ODAD1: variants seen among roughly 807,000 people sequenced by gnomAD.
The protein encoded by ODAD1 is outer dynein arm docking complex subunit 1, also known as outer dynein arm-docking complex subunit 1.
Under a neutral mutation model 67.2 loss-of-function variants are expected in ODAD1, and 49 were observed. That is an observed-to-expected ratio of 0.73 (90% CI 0.58 to 0.92). The LOEUF (loss-of-function observed/expected upper bound fraction) is 0.92, where lower values mean the gene tolerates loss of function less well. Ranked by LOEUF, ODAD1 falls within the 40% of genes least tolerant of loss-of-function variation. ODAD1 has a pLI of 0.00. For missense variants in ODAD1, 897 were observed against 953.7 expected (o/e 0.94, Z 0.78); for synonymous variants, 345 against 393.7 (o/e 0.88, Z 1.46).
At position 48,297,173 on chromosome 19, in the gene ODAD1, C is replaced by A. The variant is rs201571963; in HGVS notation, c.1927G>T (p.Ala643Ser). The A allele has an allele frequency of 3.8e-5, 62 of 1,614,008 alleles. No individual in the cohort carries two copies. The highest frequency in any genetic ancestry group is 4.8e-5 in the Non-Finnish European group (57 of 1,180,014). ...GGHVTFRPVS[A>S]SSYLGSTGYV... ...CCAGTGGAGCCCAGGTAGCTGCTGG[C>A]GCTGACGGGTCTGAAGGTCACGTGG... The change falls in exon 16 of 16, where the codon GCC (alanine) becomes TCC (serine). Residue 643 changes from alanine to serine, a missense_variant. Ala to Ser is a moderately conservative substitution (Grantham distance 99, BLOSUM62 1). Coordinates refer to ENST00000674294, the MANE Select transcript of ODAD1 (RefSeq NM_001364171.2).
At chr19:48,301,663 G>C (rs751174486) in intron 12 of ODAD1, among the ~76,000 whole-genome samples, 2 of 152,178 alleles carry the variant, frequency 1.3e-5, no homozygotes, top group African/African-American at 4.8e-5. Flanking sequence ...ATGTGGGGCT[G>C]TTGGAGGCAG....
At chr19:48,318,281 T>G in intron 5 of ODAD1, 106 bp downstream of exon 5, 3 of 976,870 alleles carry the variant, frequency 3.1e-6, no homozygotes, top group Non-Finnish European at 4.6e-6. Context: ...CATGAGCCAC[T>G]GTGCCCGGCC....
chr19:48,316,630 G>A (rs551139445), intron 5 of ODAD1, among the ~76,000 whole-genome samples: 1 of 152,230 alleles, frequency 6.6e-6, no homozygotes, highest in East Asian at 1.9e-4. Flanking sequence ...CCTTGCCTTT[G>A]CCAGTTTCTG....
intron 8 of ODAD1, among the ~76,000 whole-genome samples, chr19:48,305,031 G>C (rs1363215349): frequency 6.6e-6 from 1 of 152,224 alleles, no homozygotes; most frequent in Non-Finnish European, 1.5e-5. Context: ...AACAGAGAGA[G>C]AGAAAGAGAG....
chr19:48,316,242 G>A (rs1968895557), intron 5 of ODAD1, among the ~76,000 whole-genome samples: 1 of 152,042 alleles, frequency 6.6e-6, no homozygotes, highest in South Asian at 2.1e-4. Context: ...TTAGCTGGGA[G>A]TGGTGGCACA....
chr19:48,305,012 G>A (rs907005286), intron 8 of ODAD1, among the ~76,000 whole-genome samples: 3 of 152,286 alleles, frequency 2.0e-5, no homozygotes, highest in Admixed American at 1.3e-4. Context: ...ATTTTGCCAC[G>A]TTTGTTTTAA....
At chr19:48,306,072 G>T in intron 8 of ODAD1, 184 bp downstream of exon 8, 1 of 454,812 alleles carries the variant, frequency 2.2e-6, no homozygotes, top group Non-Finnish European at 2.9e-6. Flanking sequence ...AAAAAAGACA[G>T]AACAGGACCT....
intron 5 of ODAD1, among the ~76,000 whole-genome samples, chr19:48,312,412 GTTTTTTTTTTT>G (rs528076931): frequency 1.3e-5 from 1 of 76,944 alleles, no homozygotes; most frequent in East Asian, 4.1e-4. Context: ...TTTTTTTTTT[GTTTTTTTTTTT>G]TTTTTTTTTG....
chr19:48,316,914 G>A (rs1413464543), intron 5 of ODAD1, among the ~76,000 whole-genome samples: 1 of 152,142 alleles, frequency 6.6e-6, no homozygotes, highest in Admixed American at 6.6e-5. Context: ...CAGGAGGATC[G>A]CTTGAACCTG....
In ODAD1 at chr19:48,304,011, C is replaced by T. The variant is rs1600861884; in HGVS notation, c.795G>A (p.Lys265=). ...CCGGCTGCCGGTCGTTGTTCTTGAG[C>T]TTGAGGAAGTGGTGCAGCTGCTCCA... ...LHLEQLHHFL[K]LKNNDRQPDP... Residue 265 remains lysine (K), a synonymous_variant, in exon 9 of 16, where the codon AAG becomes AAA. Transcript: ENST00000674294. 8 of 1,614,204 alleles carry T rather than the reference C, an allele frequency of 5.0e-6. No homozygotes were observed. Among genetic ancestry groups the T allele is most frequent in the Non-Finnish European group, 6.8e-6 (8 of 1,180,022 alleles).
At chr19:48,306,438 T>A (rs1968610406) in intron 7 of ODAD1, 115 bp from the exon 8 acceptor site, 2 of 823,740 alleles carry the variant, frequency 2.4e-6, no homozygotes, top group South Asian at 3.2e-5. Flanking sequence ...GCCTTCCAAA[T>A]GTGGACCCTC....
chr19:48,303,927 T>G (rs1246463700), intron 9 of ODAD1, 26 bp downstream of exon 9: 6 of 1,606,786 alleles, frequency 3.7e-6, no homozygotes, highest in Non-Finnish European at 5.1e-6. Flanking sequence ...GCCCTTGAGA[T>G]GCAAAGGCAG....
chr19:48,303,524 C>G, intron 10 of ODAD1, 126 bp downstream of exon 10: 1 of 1,226,456 alleles, frequency 8.2e-7, no homozygotes, highest in Non-Finnish European at 1.2e-6. Flanking sequence ...GGGTCCCAGG[C>G]ATGACGCCTT....
At position 48,321,946 on chromosome 19, in the gene ODAD1, T is replaced by C; in HGVS notation, c.-332A>G. The C allele has an allele frequency of 5.1e-6, 2 of 394,046 alleles. No homozygotes were observed. Among genetic ancestry groups the C allele is most frequent in the Non-Finnish European group, 9.0e-6 (2 of 223,120 alleles). The allele number at this position is 394,046 out of a possible 1,614,324, so 24.4% of individuals were successfully genotyped here. A position where few individuals can be genotyped will look rare whatever the true frequency, so the allele number is the denominator to read the frequency against. ...AAGCAGCCAAAAACGCTTGGCCGCC[T>C]ACCACGTCCGCGCGCTGGAGGGCGG... On this transcript the variant is annotated 5_prime_UTR_variant, in exon 1 of 16. Coordinates refer to ENST00000674294, the MANE Select transcript of ODAD1 (RefSeq NM_001364171.2).
chr19:48,318,756 G>A lies in ODAD1; in HGVS notation c.127C>T (p.Arg43Trp), dbSNP rs1214771019. 17 of 1,551,124 alleles carry A rather than the reference G, an allele frequency of 1.1e-5. No homozygotes were observed. The highest frequency in any genetic ancestry group is 5.9e-5 in the Admixed American group (3 of 50,968). ...TGGTGGACTTCCTTGCTGTAGGCCC[G>A]CCTCTCCCCTTCCATCACTTTGCAT... is the stretch of plus-strand genomic sequence containing the variant. ...RQCKVMEGER[R>W]AYSKEVHQRI... is the part of the protein sequence containing the mutation. The change falls in exon 4 of 16, where the codon CGG becomes TGG. Residue 43 changes from arginine to tryptophan, a missense_variant. Transcript: ENST00000674294.
rs770123566 is a variant in ODAD1 at position 48,297,255 on chromosome 19, G to A, written c.1845C>T (p.His615=). The change falls in exon 16 of 16, where the codon CAC becomes CAT. Residue 615 remains histidine (H), a synonymous_variant. Coordinates refer to ENST00000674294, the MANE Select transcript of ODAD1 (RefSeq NM_001364171.2). The part of the protein sequence containing the change: ...STGHLPSHIT[H]GDPNTGHVTF... ...TCACGTGGCCAGTGTTGGGGTCACC[G>A]TGCGTGATGTGGCTGGGCAAATGCC... 32 of 1,614,086 alleles carry A rather than the reference G, an allele frequency of 2.0e-5. No homozygotes were observed. The highest frequency in any genetic ancestry group is 2.5e-5 in the Non-Finnish European group (30 of 1,180,004).
chr19:48,298,985 C>G (rs542276114), intron 12 of ODAD1, among the ~76,000 whole-genome samples: 2 of 152,342 alleles, frequency 1.3e-5, no homozygotes, highest in African/African-American at 4.8e-5. Flanking sequence ...CACCACCCCC[C>G]ACCTTTCTCT....
Position 48,318,369 on chromosome 19 carries a change from C to A in ODAD1, c.360+18G>T, listed in dbSNP as rs60809253. ...TTGCCCGTAAGCAGGATCCGTAGAA[C>A]CACCTCTCAAACCCCACCTGCTTGT... On this transcript the variant is annotated intron_variant, in intron 5 of 15. Coordinates refer to ENST00000674294, the MANE Select transcript of ODAD1 (RefSeq NM_001364171.2). 3.0e-4 allele frequency: 469 copies of A among 1,546,128 alleles called. No homozygotes were observed. The highest frequency in any genetic ancestry group is 2.9e-3 in the African/African-American group (210 of 73,012).
intron 12 of ODAD1, among the ~76,000 whole-genome samples, chr19:48,301,414 GT>G (rs1176100557): frequency 1.3e-5 from 2 of 152,124 alleles, no homozygotes; most frequent in Non-Finnish European, 2.9e-5. Flanking sequence ...GACAGCATCT[GT>G]TTTTTAGTGT....
Sources: gnomAD v4.1 joint callset for allele counts (sites outside exome capture counted in the v4.1 genomes callset) on GRCh38, gnomAD v4.1.1 for gene constraint, MANE v1.5 for transcripts, NCBI Gene and HGNC (gene_info 2026-07-23, HGNC 2026-07-21) for gene names.